TMPO: variants seen among roughly 807,000 people sequenced by gnomAD.
The protein encoded by TMPO is thymopoietin.
Under a neutral mutation model 45.4 loss-of-function variants are expected in TMPO, and 22 were observed. That is an observed-to-expected ratio of 0.48 (90% CI 0.35 to 0.69). The LOEUF is 0.69. Ranked by LOEUF, TMPO falls within the 30% of genes least tolerant of loss-of-function variation. The pLI, the probability that TMPO is intolerant of heterozygous loss-of-function variation, is 0.01. For missense variants in TMPO, 512 were observed against 548.8 expected (o/e 0.93, Z 0.67); for synonymous variants, 241 against 204.1 (o/e 1.18, Z -1.54).
chr12:98,534,094 C>T, intron 3 of TMPO: 1 of 1,612,618 alleles, frequency 6.2e-7, no homozygotes, highest in Non-Finnish European at 8.5e-7. Flanking sequence ...TCGTACCCAC[C>T]AAGCGCTTGG....
chr12:98,518,888 G>T (rs991826712), intron 1 of TMPO, among the ~76,000 whole-genome samples: 14 of 146,806 alleles, frequency 9.5e-5, no homozygotes, highest in Non-Finnish European at 1.4e-4. Flanking sequence ...AAAATGAAGG[G>T]TTTTTTTTTT....
chr12:98,515,883 G>A lies in TMPO; in HGVS notation c.16G>A (p.Glu6Lys), dbSNP rs761212886. 4.3e-6 allele frequency: 7 copies of A among 1,613,614 alleles called. No individual in the cohort carries two copies. The South Asian group carries it at 7.7e-5, about 18-fold the overall frequency. Residue 6 changes from glutamate to lysine, a missense_variant, in exon 1 of 9, where the codon GAA (glutamate) becomes AAA (lysine). Coordinates refer to ENST00000556029, the MANE Select transcript of TMPO (RefSeq NM_001032283.3). MPEFL[E>K]DPSVLTKDKL... ...GATCCCCGAGATGCCGGAGTTCCTG[G>A]AAGACCCCTCGGTCCTGACAAAAGA...
chr12:98,542,121 T>A (rs1877948226), intron 4 of TMPO, among the ~76,000 whole-genome samples: 1 of 152,214 alleles, frequency 6.6e-6, no homozygotes, highest in Middle Eastern at 3.2e-3. Context: ...CATGTGTCAC[T>A]GCATATTTTT....
intron 7 of TMPO, among the ~76,000 whole-genome samples, chr12:98,545,540 G>A (rs1180425409): frequency 6.6e-6 from 1 of 152,092 alleles, no homozygotes; most frequent in Non-Finnish European, 1.5e-5. Flanking sequence ...TACAAAAGGA[G>A]CCGAAACATT....
At chr12:98,518,140 C>T (rs1308977374) in intron 1 of TMPO, among the ~76,000 whole-genome samples, 20 of 126,188 alleles carry the variant, frequency 1.6e-4, no homozygotes, top group South Asian at 5.1e-4. Context: ...AGCGAGACTT[C>T]GTCTCAAAAA....
intron 7 of TMPO, among the ~76,000 whole-genome samples, chr12:98,545,756 G>A (rs887648701): frequency 1.0e-4 from 15 of 150,292 alleles, no homozygotes; most frequent in African/African-American, 3.4e-4. Context: ...TTTTTGAAAC[G>A]GAGTCTTGCT....
intron 3 of TMPO, chr12:98,534,341 A>G (rs1236914033): frequency 1.2e-5 from 19 of 1,611,646 alleles, no homozygotes; most frequent in Non-Finnish European, 1.6e-5. Context: ...AATAAACACT[A>G]GTAAAATTAA....
rs1376224355 is a variant in TMPO at position 98,520,426 on chromosome 12, C to T, written c.279+4280C>T. ...CAAGCAATTCTCCTACCTCAGCCTC[C>T]TGAGTAGCTGGTATTACTTACAGGC... On this transcript the variant is annotated intron_variant, in intron 1 of 8. Transcript: ENST00000556029. Among the ~76,000 whole-genome samples, 4 of 152,076 alleles carry T rather than the reference C, an allele frequency of 2.6e-5. No individual in the cohort carries two copies. The South Asian group carries it at 6.2e-4, about 24-fold the overall frequency.
rs554203322 is a variant in TMPO at position 98,545,133 on chromosome 12, T to G, written c.990+72T>G. 800 of 1,112,540 alleles carry G rather than the reference T, an allele frequency of 7.2e-4. 3 individuals carry two copies. Among genetic ancestry groups the G allele is most frequent in the African/African-American group, 6.8e-3 (426 of 62,292 alleles). 68.9% of individuals were successfully genotyped at this position (1,112,540 alleles called of 1,614,324 possible). A position where few individuals can be genotyped will look rare whatever the true frequency, so the allele number is the denominator to read the frequency against. On this transcript the variant is annotated intron_variant, in intron 7 of 8. Coordinates refer to ENST00000556029, the MANE Select transcript of TMPO (RefSeq NM_001032283.3). ...AGGAAATATAAATATTTGTTTGTTT[T>G]TTTTTTTTTTTTTTGGAGTGGGAGG...
At chr12:98,533,120 TAGAGA>T in intron 3 of TMPO, 5 of 1,614,156 alleles carry the variant, frequency 3.1e-6, no homozygotes, top group Non-Finnish European at 3.4e-6. Flanking sequence ...GATAGGTGTT[TAGAGA>T]AAAGTTCTTC....
chr12:98,534,363 C>A, intron 3 of TMPO: 1 of 1,609,316 alleles, frequency 6.2e-7, no homozygotes, highest in Non-Finnish European at 8.5e-7. Context: ...GACAAAAAGA[C>A]ATCTATCTTA....
intron 1 of TMPO, among the ~76,000 whole-genome samples, chr12:98,527,349 A>C (rs1233755341): frequency 0.014 from 1,984 of 139,180 alleles, 25 homozygotes; most frequent in African/African-American, 0.052. Context: ...AAAAAAAAAA[A>C]ACAAAAAAAA....
chr12:98,537,369 TCACC>T, intron 3 of TMPO, 102 bp from the exon 4 acceptor site: 1 of 900,878 alleles, frequency 1.1e-6, no homozygotes, highest in Admixed American at 2.3e-5. Context: ...GACTTGTTTT[TCACC>T]TTTTAATGTG....
In TMPO at chr12:98,533,120, T is replaced by C. The variant is rs886049912; in HGVS notation, c.565+1282T>C. The C allele has an allele frequency of 1.7e-5, 27 of 1,614,038 alleles. No individual in the cohort carries two copies. The highest frequency in any genetic ancestry group is 2.1e-5 in the Non-Finnish European group (25 of 1,180,020). ...TGCAAGTCTAGCCATGATAGGTGTT[T>C]AGAGAAAAGTTCTTCGTCATCTTCT... On this transcript the variant is annotated intron_variant, in intron 3 of 8. Transcript: ENST00000556029.
At chr12:98,529,403 T>C (rs894236163) in intron 2 of TMPO, among the ~76,000 whole-genome samples, 16 of 152,068 alleles carry the variant, frequency 1.1e-4, no homozygotes, top group African/African-American at 3.9e-4. Flanking sequence ...CCTATCTTGA[T>C]TGGAATTGAG....
chr12:98,541,269 G>C (rs1282842546), intron 4 of TMPO, among the ~76,000 whole-genome samples: 1 of 152,210 alleles, frequency 6.6e-6, no homozygotes, highest in Non-Finnish European at 1.5e-5. Context: ...CAACAATTTG[G>C]ATGCTGACAT....
At chr12:98,519,526 G>A (rs1406833630) in intron 1 of TMPO, among the ~76,000 whole-genome samples, 1 of 152,126 alleles carries the variant, frequency 6.6e-6, no homozygotes, top group Non-Finnish European at 1.5e-5. Context: ...AGAGTACCTA[G>A]TAGGTCTATT....
Position 98,515,813 on chromosome 12 carries a change from C to G in TMPO, c.-55C>G, listed in dbSNP as rs1314318018. ...GGTCCCCGGCCAGGAGCAAGCGCGC[C>G]GGCGTGAGCGGCGGCGGCAAAGGCT... On this transcript the variant is annotated 5_prime_UTR_variant, in exon 1 of 9. Coordinates refer to ENST00000556029, the MANE Select transcript of TMPO (RefSeq NM_001032283.3). The G allele has an allele frequency of 2.5e-6, 4 of 1,571,888 alleles. No individual in the cohort carries two copies. The highest frequency in any genetic ancestry group is 1.4e-5 in the African/African-American group (1 of 73,510).
At chr12:98,542,923 G>A (rs1878003917) in intron 4 of TMPO, among the ~76,000 whole-genome samples, 1 of 152,172 alleles carries the variant, frequency 6.6e-6, no homozygotes, top group African/African-American at 2.4e-5. Flanking sequence ...TTGTTTACAA[G>A]TTTCTCTTTT....
Sources: allele counts gnomAD v4.1 joint callset (sites outside exome capture counted in the v4.1 genomes callset), GRCh38; gene constraint gnomAD v4.1.1; transcripts MANE v1.5; gene names NCBI Gene and HGNC (gene_info 2026-07-23, HGNC 2026-07-21).